Variants in MACROH2A1 observed in about 807,000 individuals in gnomAD.
MACROH2A1 encodes the protein core histone macro-H2A.1.
A neutral mutation model predicts 31.6 loss-of-function variants in MACROH2A1; 2 were observed. That is an observed-to-expected ratio of 0.06 (90% CI 0.03 to 0.20). The LOEUF is 0.20. Among genes scored for constraint, MACROH2A1 ranks in the 10% least tolerant of loss-of-function variants. MACROH2A1 has a pLI of 1.00. For missense variants in MACROH2A1, 230 were observed against 474.0 expected, an observed-to-expected ratio of 0.49 and a Z score of 4.78; for synonymous variants, 169 against 189.6, an observed-to-expected ratio of 0.89 and a Z score of 0.89.
chr5:135,335,152 G>GAAGAT lies in MACROH2A1; in HGVS notation c.954-16_954-12dup. The GAAGAT allele has an allele frequency of 6.2e-7, 1 of 1,612,714 alleles. No homozygotes were observed. Among genetic ancestry groups the GAAGAT allele is most frequent in the Non-Finnish European group, 8.5e-7 (1 of 1,178,758 alleles). On this transcript the variant is annotated splice_polypyrimidine_tract_variant and intron_variant, in intron 8 of 8. Transcript: ENST00000511689. ...TTTGGAAAACCGTTCCTGGAGAAGA[G>GAAGAT]AAGATAAGCACTCAGCAACTGGGAT...
intron 1 of MACROH2A1, among the ~76,000 whole-genome samples, chr5:135,394,482 T>A (rs548427897): frequency 7.0e-4 from 106 of 152,172 alleles, no homozygotes; most frequent in African/African-American, 2.4e-3. Flanking sequence ...CCGGGATGAA[T>A]TTCTCCCTCC....
At chr5:135,352,873 T>A in intron 6 of MACROH2A1, 73 bp downstream of exon 6, 1 of 861,288 alleles carries the variant, frequency 1.2e-6, no homozygotes, top group East Asian at 2.4e-5. Flanking sequence ...TCTGGGAAGA[T>A]GAAATGCCTA....
At position 135,381,438 on chromosome 5, in the gene MACROH2A1, A is replaced by G. The variant is rs150153486; in HGVS notation, c.172+7484T>C. 5.1e-3 allele frequency among the ~76,000 whole-genome samples: 769 copies of G among 152,268 alleles called. 8 individuals are homozygous for G. Among genetic ancestry groups the G allele is most frequent in the Middle Eastern group, 0.024 (7 of 294 alleles). On this transcript the variant is annotated intron_variant, in intron 2 of 8. Coordinates refer to ENST00000511689, the MANE Select transcript of MACROH2A1 (RefSeq NM_138610.3). ...TTAAATAAAACTTAAAATGAAGAGAAAAAAAGATGATAAAGAATGGCCAAG... is the reference window on the plus strand; with the variant it reads ...TTAAATAAAACTTAAAATGAAGAGAGAAAAAGATGATAAAGAATGGCCAAG...
chr5:135,352,927 G>T lies in MACROH2A1; in HGVS notation c.688+19C>A. 1 of 1,293,274 alleles carries T rather than the reference G, an allele frequency of 7.7e-7. No individual in the cohort carries two copies. Among genetic ancestry groups the T allele is most frequent in the Non-Finnish European group, 1.1e-6 (1 of 886,754 alleles). 80.1% of individuals were successfully genotyped at this position (1,293,274 alleles called of 1,614,324 possible). On this transcript the variant is annotated intron_variant, in intron 6 of 8. Coordinates refer to ENST00000511689, the MANE Select transcript of MACROH2A1 (RefSeq NM_138610.3). Reference sequence around the variant, plus strand: ...TTTTCATCTGACAGCTGGTGGTGCCGAACCCCGTCCCCAATTACCTAGGTC... The same window carrying T: ...TTTTCATCTGACAGCTGGTGGTGCCTAACCCCGTCCCCAATTACCTAGGTC...
intron 2 of MACROH2A1, among the ~76,000 whole-genome samples, chr5:135,376,676 G>C (rs1764918058): frequency 6.6e-6 from 1 of 152,192 alleles, no homozygotes; most frequent in Non-Finnish European, 1.5e-5. Context: ...TGTAAGATGT[G>C]GCCAAGTGCA....
At chr5:135,356,384 T>C (rs1455044271) in intron 5 of MACROH2A1, 2 of 152,258 alleles carry the variant, frequency 1.3e-5, no homozygotes, top group African/African-American at 4.8e-5. Flanking sequence ...TCTTTACTCA[T>C]GGTATATGCT....
chr5:135,388,898 C>T (rs1766805341), intron 2 of MACROH2A1, 24 bp downstream of exon 2: 1 of 1,566,164 alleles, frequency 6.4e-7, no homozygotes, highest in African/African-American at 1.4e-5. Context: ...CCAGTGGTGT[C>T]TGGGTTGACT....
intron 6 of MACROH2A1, among the ~76,000 whole-genome samples, chr5:135,348,383 A>G (rs192689384): frequency 4.6e-5 from 7 of 152,394 alleles, no homozygotes; most frequent in Admixed American, 3.9e-4. Flanking sequence ...GAAAGCAGGC[A>G]TAAGTATCAG....
chr5:135,376,049 A>G (rs1764818782), intron 2 of MACROH2A1, among the ~76,000 whole-genome samples: 1 of 152,178 alleles, frequency 6.6e-6, no homozygotes, highest in Admixed American at 6.5e-5. Context: ...CAGGGTCTGA[A>G]GCTTGCCCAG....
At chr5:135,359,309 A>G (rs1045988398) in intron 5 of MACROH2A1, 1 of 985,344 alleles carries the variant, frequency 1.0e-6, no homozygotes, top group African/African-American at 1.7e-5. Flanking sequence ...ACATTACCCA[A>G]GGAATATGTT....
intron 5 of MACROH2A1, chr5:135,357,203 C>T (rs114637870): frequency 6.6e-6 from 1 of 152,148 alleles, no homozygotes; most frequent in South Asian, 2.1e-4. Flanking sequence ...TAGAAAGAGC[C>T]CCACAAAGAT....
At chr5:135,367,761 T>C (rs1763692623) in intron 4 of MACROH2A1, among the ~76,000 whole-genome samples, 1 of 152,220 alleles carries the variant, frequency 6.6e-6, no homozygotes, top group Non-Finnish European at 1.5e-5. Flanking sequence ...CCCTGCTCTG[T>C]GGGCAGCCAG....
At chr5:135,355,241 C>A (rs186139877) in intron 5 of MACROH2A1, 188 of 456,044 alleles carry the variant, frequency 4.1e-4, no homozygotes, top group African/African-American at 3.0e-3. Flanking sequence ...GGAGCAGTTG[C>A]GAACAGAACT....
chr5:135,397,794 GC>G (rs1050853562), intron 1 of MACROH2A1, among the ~76,000 whole-genome samples: 1 of 152,136 alleles, frequency 6.6e-6, no homozygotes, highest in Non-Finnish European at 1.5e-5. Flanking sequence ...CCTAAAGGTG[GC>G]CTGCAGTAGG....
chr5:135,349,375 CTT>C (rs1761238282), intron 6 of MACROH2A1, among the ~76,000 whole-genome samples: 1 of 152,152 alleles, frequency 6.6e-6, no homozygotes, highest in Non-Finnish European at 1.5e-5. Context: ...CTTTGGAGCT[CTT>C]TAACTCCTCC....
intron 7 of MACROH2A1, chr5:135,344,436 A>G (rs1428211572): frequency 6.6e-6 from 1 of 152,026 alleles, no homozygotes; most frequent in Non-Finnish European, 1.5e-5. Context: ...TGTCATAGAT[A>G]CTGGAGAAGG....
Position 135,369,448 on chromosome 5 carries a change from T to A in MACROH2A1, c.435A>T (p.Val145=). 6.2e-7 allele frequency: 1 copy of A among 1,614,236 alleles called. No individual in the cohort carries two copies. Among genetic ancestry groups the A allele is most frequent in the East Asian group, 2.2e-5 (1 of 44,882 alleles). ...KAKSPSQKKP[V]SKKAGGKKGA... ...CTTTCTTGCCTCCTGCTTTTTTAGATACAGGCTTCTTCTGGGATGGAGACT... is the reference window on the plus strand; with the variant it reads ...CTTTCTTGCCTCCTGCTTTTTTAGAAACAGGCTTCTTCTGGGATGGAGACT... Residue 145 remains valine (V), a synonymous_variant, in exon 4 of 9, where the codon GTA becomes GTT. Transcript: ENST00000511689. The surrounding 1 kb of genome is among the most constrained non-coding windows in gnomAD (Gnocchi z 4.3).
chr5:135,389,620 GTA>G lies in MACROH2A1; in HGVS notation c.-33-496_-33-495del, dbSNP rs757724768. On this transcript the variant is annotated intron_variant, in intron 1 of 8. Transcript: ENST00000511689. Reference sequence around the variant, plus strand: ...AACAGCTTACAGGAGTCAGTACAGTGTATAGTCAGGTTGCAGTAAGAGGCCCT... The same window carrying G: ...AACAGCTTACAGGAGTCAGTACAGTGTAGTCAGGTTGCAGTAAGAGGCCCT... 7.9e-5 allele frequency among the ~76,000 whole-genome samples: 12 copies of G among 152,334 alleles called. No individual in the cohort carries two copies. The East Asian group carries it at 1.4e-3, about 17-fold the overall frequency.
intron 8 of MACROH2A1, among the ~76,000 whole-genome samples, chr5:135,338,817 G>C (rs1759260091): frequency 6.6e-6 from 1 of 152,246 alleles, no homozygotes; most frequent in Non-Finnish European, 1.5e-5. Context: ...TGCAGAGCAA[G>C]AGGGACTAAG....
Sources: allele counts gnomAD v4.1 joint callset (sites outside exome capture counted in the v4.1 genomes callset), GRCh38; gene constraint gnomAD v4.1.1; non-coding constraint Gnocchi (gnomAD v3.1); transcripts MANE v1.5; gene names NCBI Gene and HGNC (gene_info 2026-07-23, HGNC 2026-07-21).